The following GJB7 variants were observed in gnomAD, a reference collection of about 807,000 sequenced individuals.
GJB7 encodes gap junction protein beta 7.
For missense variants in GJB7, 253 were observed against 256.8 expected (o/e 0.99, Z 0.10); for synonymous variants, 87 against 95.2 (o/e 0.91, Z 0.50).
chr6:87,327,126 G>C (rs527629391), intron 1 of GJB7, among the ~76,000 whole-genome samples: 4 of 151,490 alleles, frequency 2.6e-5, no homozygotes, highest in Non-Finnish European at 2.9e-5. Context: ...CTTGGTAGAT[G>C]TTCCTCCATC....
intron 2 of GJB7, among the ~76,000 whole-genome samples, chr6:87,314,061 T>C (rs1164706543): frequency 1.3e-5 from 2 of 152,242 alleles, no homozygotes; most frequent in Admixed American, 1.3e-4. Flanking sequence ...CCTAAATAGC[T>C]ATACATTTCA....
chr6:87,300,720 AC>A (rs1328688797), intron 2 of GJB7, among the ~76,000 whole-genome samples: 1 of 152,240 alleles, frequency 6.6e-6, no homozygotes, highest in African/African-American at 2.4e-5. Flanking sequence ...GTACCAATGT[AC>A]TTCTTTCAAC....
At chr6:87,287,220 C>T (rs1010791851) in intron 2 of GJB7, among the ~76,000 whole-genome samples, 7 of 152,186 alleles carry the variant, frequency 4.6e-5, no homozygotes, top group African/African-American at 1.7e-4. Context: ...TATAATTTCT[C>T]AGGTGAAAAC....
intron 2 of GJB7, among the ~76,000 whole-genome samples, chr6:87,302,410 C>T (rs1298379185): frequency 6.6e-6 from 1 of 152,142 alleles, no homozygotes; most frequent in African/African-American, 2.4e-5. Flanking sequence ...ATTCCATCAA[C>T]TGGAAGAAAG....
intron 2 of GJB7, among the ~76,000 whole-genome samples, chr6:87,309,274 A>G (rs1582564619): frequency 6.6e-6 from 1 of 152,228 alleles, no homozygotes; most frequent in South Asian, 2.1e-4. Context: ...TGAAGGGCAC[A>G]GGCTTCTGCA....
chr6:87,313,809 A>C (rs1261435545), intron 2 of GJB7, among the ~76,000 whole-genome samples: 2 of 152,216 alleles, frequency 1.3e-5, no homozygotes, highest in Non-Finnish European at 2.9e-5. Flanking sequence ...AGCACCTCAG[A>C]ACTTTTTAAA....
chr6:87,305,418 C>T (rs1776408717), intron 2 of GJB7, among the ~76,000 whole-genome samples: 1 of 152,134 alleles, frequency 6.6e-6, no homozygotes, highest in East Asian at 1.9e-4. Flanking sequence ...AGTGAATTCC[C>T]ATTCACAATT....
intron 2 of GJB7, among the ~76,000 whole-genome samples, chr6:87,300,780 G>C (rs968979287): frequency 1.3e-5 from 2 of 152,130 alleles, no homozygotes; most frequent in Non-Finnish European, 2.9e-5. Flanking sequence ...CAGAATTTTA[G>C]TGCTTACTAT....
chr6:87,326,182 G>A (rs150969958), intron 1 of GJB7, among the ~76,000 whole-genome samples: 11,704 of 152,024 alleles, frequency 0.077, 979 homozygotes, highest in African/African-American at 0.21. Context: ...TCTTGCTAGC[G>A]GTCTATCAAT....
chr6:87,325,017 A>G (rs532620896), intron 1 of GJB7, among the ~76,000 whole-genome samples: 11,570 of 151,798 alleles, frequency 0.076, 956 homozygotes, highest in African/African-American at 0.21. Context: ...TAGGTATTTT[A>G]TTCTCTTTGA....
At chr6:87,294,075 A>G (rs1776216156) in intron 2 of GJB7, among the ~76,000 whole-genome samples, 1 of 152,350 alleles carries the variant, frequency 6.6e-6, no homozygotes, top group South Asian at 2.1e-4. Flanking sequence ...AAATATAATA[A>G]TGACCACAGA....
At chr6:87,290,077 G>C (rs116588426) in intron 2 of GJB7, among the ~76,000 whole-genome samples, 1 of 152,176 alleles carries the variant, frequency 6.6e-6, no homozygotes, top group South Asian at 2.1e-4. Flanking sequence ...CATTTATGCA[G>C]CATTTCACAG....
Position 87,321,388 on chromosome 6 carries a change from G to A in GJB7, c.-28+1478C>T, listed in dbSNP as rs11755969. On this transcript the variant is annotated intron_variant, in intron 2 of 2. Transcript: ENST00000525899. The stretch of plus-strand genomic sequence containing the variant: ...TCTTTCAGGTCCCACTATGTGTCAC[G>A]TGATGTTATTCCAGAGTCAGGTTGG... 1.8e-3 allele frequency among the ~76,000 whole-genome samples: 279 copies of A among 152,242 alleles called. 1 individual carries two copies. Among genetic ancestry groups the A allele is most frequent in the Non-Finnish European group, 2.0e-3 (133 of 68,012 alleles).
At chr6:87,288,667 A>G (rs1202577116) in intron 2 of GJB7, among the ~76,000 whole-genome samples, 3 of 152,242 alleles carry the variant, frequency 2.0e-5, no homozygotes, top group Admixed American at 6.5e-5. Context: ...CTGCTTCAGT[A>G]AACTGCACCA....
chr6:87,322,500 T>G (rs902869419), intron 2 of GJB7: 1 of 152,476 alleles, frequency 6.6e-6, no homozygotes. Flanking sequence ...CCCGCGCCGC[T>G]GCGCCGCAGC....
At chr6:87,312,037 G>T (rs1430172803) in intron 2 of GJB7, among the ~76,000 whole-genome samples, 1 of 152,102 alleles carries the variant, frequency 6.6e-6, no homozygotes, top group East Asian at 1.9e-4. Context: ...GGGAGGGAGT[G>T]GATAGTGAGT....
intron 2 of GJB7, among the ~76,000 whole-genome samples, chr6:87,316,397 A>G (rs1776585226): frequency 1.3e-5 from 2 of 152,162 alleles, no homozygotes; most frequent in South Asian, 4.1e-4. Flanking sequence ...CAGCTCCCAG[A>G]GAATACAATT....
Position 87,284,193 on chromosome 6 carries a change from G to T in GJB7, c.*48C>A. On this transcript the variant is annotated 3_prime_UTR_variant, in exon 3 of 3. Coordinates refer to ENST00000525899, the MANE Select transcript of GJB7 (RefSeq NM_198568.3). ...CCAAGTGTGAAGATTCTGGAGTAGG[G>T]GAGGGGTCCCTCTCCTACCACATTC... 7.0e-7 allele frequency: 1 copy of T among 1,420,926 alleles called. No individual in the cohort carries two copies. The highest frequency in any genetic ancestry group is 1.3e-5 in the South Asian group (1 of 79,934). 88.0% of individuals were successfully genotyped at this position (1,420,926 alleles called of 1,614,324 possible).
chr6:87,302,732 T>C (rs1356004210), intron 2 of GJB7, among the ~76,000 whole-genome samples: 2 of 152,130 alleles, frequency 1.3e-5, no homozygotes, highest in Admixed American at 1.3e-4. Context: ...ATTGTCAGAT[T>C]CACCAAAGTT....
Sources: gnomAD v4.1 joint callset for allele counts (sites outside exome capture counted in the v4.1 genomes callset) on GRCh38, gnomAD v4.1.1 for gene constraint, MANE v1.5 for transcripts, NCBI Gene and HGNC (gene_info 2026-07-23, HGNC 2026-07-21) for gene names.